MMD: variants seen among roughly 807,000 people sequenced by gnomAD.
MMD encodes monocyte to macrophage differentiation associated, also known as monocyte to macrophage differentiation factor.
A neutral mutation model predicts 33.6 loss-of-function variants in MMD; 22 were observed. That is an observed-to-expected ratio of 0.66 (90% CI 0.47 to 0.94). The LOEUF (loss-of-function observed/expected upper bound fraction) is 0.94, where lower values mean the gene tolerates loss of function less well. Among genes scored for constraint, MMD ranks in the 40% least tolerant of loss-of-function variants. The probability of loss-of-function intolerance (pLI) is 0.00; values close to 1 mark genes in which losing one functional copy is unlikely to be tolerated. For missense variants in MMD, 242 were observed against 309.8 expected (o/e 0.78, Z 1.64); for synonymous variants, 97 against 103.2 (o/e 0.94, Z 0.36).
chr17:55,411,761 A>G (rs1459705966), intron 2 of MMD, among the ~76,000 whole-genome samples: 1 of 152,038 alleles, frequency 6.6e-6, no homozygotes, highest in East Asian at 1.9e-4. Flanking sequence ...AATCTGATTT[A>G]GAGTAATTAC....
intron 1 of MMD, among the ~76,000 whole-genome samples, chr17:55,414,499 A>AACCAAAAGCAAACTTCTACC (rs1320262259): frequency 1.3e-5 from 2 of 151,218 alleles, no homozygotes; most frequent in Non-Finnish European, 2.9e-5. Context: ...AAACTTCTAC[A>AACCAAAAGCAAACTTCTACC]ACCAAAAGCA....
chr17:55,409,191 A>G (rs1476157224), intron 3 of MMD, among the ~76,000 whole-genome samples: 1 of 152,254 alleles, frequency 6.6e-6, no homozygotes, highest in Non-Finnish European at 1.5e-5. Flanking sequence ...AGAAGCAAAC[A>G]TTACGTCAAT....
chr17:55,395,423 G>C (rs1267278021), intron 6 of MMD, among the ~76,000 whole-genome samples: 1 of 152,226 alleles, frequency 6.6e-6, no homozygotes, highest in Non-Finnish European at 1.5e-5. Flanking sequence ...CAGGGCCTTG[G>C]AAGGGGATAG....
chr17:55,397,582 T>C (rs1907150955), intron 6 of MMD, among the ~76,000 whole-genome samples: 1 of 152,100 alleles, frequency 6.6e-6, no homozygotes, highest in South Asian at 2.1e-4. Flanking sequence ...TGGAGTGCAG[T>C]GGCCCGACCT....
intron 6 of MMD, among the ~76,000 whole-genome samples, chr17:55,400,956 C>A (rs1907304113): frequency 6.6e-6 from 1 of 151,146 alleles, no homozygotes; most frequent in African/African-American, 2.4e-5. Flanking sequence ...ACAGAACAAA[C>A]AAACAAAAAA....
chr17:55,395,557 G>A (rs189718562), intron 6 of MMD, among the ~76,000 whole-genome samples: 1 of 152,324 alleles, frequency 6.6e-6, no homozygotes, highest in Non-Finnish European at 1.5e-5. Context: ...CTAAAAGCAA[G>A]GCAACAATAG....
chr17:55,414,552 C>CCGTACA (rs1907890909), intron 1 of MMD, among the ~76,000 whole-genome samples: 1 of 98,732 alleles, frequency 1.0e-5, no homozygotes, highest in African/African-American at 4.5e-5. Context: ...CCCTCCTCCT[C>CCGTACA]CATTCACACA....
chr17:55,395,251 C>A (rs1157022452), intron 6 of MMD, among the ~76,000 whole-genome samples: 1 of 152,152 alleles, frequency 6.6e-6, no homozygotes, highest in African/African-American at 2.4e-5. Context: ...AAGACCAAGG[C>A]CCATCTACAA....
intron 6 of MMD, among the ~76,000 whole-genome samples, chr17:55,400,568 AAG>A: frequency 6.6e-6 from 1 of 151,482 alleles, no homozygotes; most frequent in East Asian, 1.9e-4. Context: ...AAAAAAAAAA[AAG>A]GTTCTTACAA....
At chr17:55,404,010 AT>A (rs1381979475) in intron 4 of MMD, 142 bp from the exon 5 acceptor site, 43 of 639,022 alleles carry the variant, frequency 6.7e-5, no homozygotes, top group Non-Finnish European at 9.8e-5. Flanking sequence ...CATTTGGGCA[AT>A]TTAGGTAAAA....
chr17:55,408,785 G>A (rs1292068559), intron 3 of MMD, among the ~76,000 whole-genome samples: 4 of 152,170 alleles, frequency 2.6e-5, no homozygotes, highest in Non-Finnish European at 5.9e-5. Flanking sequence ...TGGATCACTT[G>A]AGGTCAGGAA....
chr17:55,397,477 A>G (rs976607420), intron 6 of MMD, among the ~76,000 whole-genome samples: 11 of 151,986 alleles, frequency 7.2e-5, no homozygotes, highest in African/African-American at 2.4e-4. Context: ...CTTGAAGTTG[A>G]CAGGGTTTTT....
rs1907011508 is a variant in MMD, at chr17:55,394,044, C to T, written c.*290G>A. 1 of 215,626 alleles carries T rather than the reference C, an allele frequency of 4.6e-6. No homozygotes were observed. The allele number at this position is 215,626 out of a possible 1,614,324, so 13.4% of individuals were successfully genotyped here. A position where few individuals can be genotyped will look rare whatever the true frequency, so the allele number is the denominator to read the frequency against. ...ATTTAGAAAAATCATGTAGTAAAAT[C>T]TGTAAAATTAAAATATAAAAGTCTG... On this transcript the variant is annotated 3_prime_UTR_variant, in exon 7 of 7. Coordinates refer to ENST00000262065, the MANE Select transcript of MMD (RefSeq NM_012329.3).
At position 55,401,539 on chromosome 17, in the gene MMD, CTGCAGGAACAAAAA is replaced by C; in HGVS notation, c.447-15_447-2del. ...GAAAAAGAGTTCAACCACCTTATATCTGCAGGAACAAAAATGCAGTTAATTTAACTTATAAATTT... is the reference window on the plus strand; with the variant it reads ...GAAAAAGAGTTCAACCACCTTATATCTGCAGTTAATTTAACTTATAAATTT... On this transcript the variant is annotated splice_acceptor_variant and splice_polypyrimidine_tract_variant and intron_variant, in intron 5 of 6. Transcript: ENST00000262065. LOFTEE classifies it high-confidence loss of function. 6.2e-7 allele frequency: 1 copy of C among 1,606,690 alleles called. No homozygotes were observed. The highest frequency in any genetic ancestry group is 8.5e-7 in the Non-Finnish European group (1 of 1,176,906).
chr17:55,406,762 T>G (rs557616770), intron 4 of MMD, among the ~76,000 whole-genome samples: 2 of 152,246 alleles, frequency 1.3e-5, no homozygotes, highest in African/African-American at 4.8e-5. Flanking sequence ...GGCACACGCC[T>G]GTAGTCCCAG....
chr17:55,411,662 A>G (rs765529178), intron 2 of MMD, among the ~76,000 whole-genome samples: 1 of 151,526 alleles, frequency 6.6e-6, no homozygotes. Flanking sequence ...GCCATCAAGG[A>G]TGCAACATCA....
chr17:55,412,516 G>T (rs1453122428), intron 2 of MMD, among the ~76,000 whole-genome samples: 1 of 152,222 alleles, frequency 6.6e-6, no homozygotes, highest in Non-Finnish European at 1.5e-5. Context: ...TACAATGACA[G>T]AAGCTCCCAG....
In MMD at chr17:55,394,155, T is replaced by C. The variant is rs1598427513; in HGVS notation, c.*179A>G. 2.3e-6 allele frequency: 1 copy of C among 443,830 alleles called. No homozygotes were observed. Among genetic ancestry groups the C allele is most frequent in the Non-Finnish European group, 3.8e-6 (1 of 261,188 alleles). 27.5% of individuals were successfully genotyped at this position (443,830 alleles called of 1,614,324 possible). ...AATAATTAATTCACTACCTTATTTA[T>C]TTGCTGTGAGGCAGAAAATTCCAGA... On this transcript the variant is annotated 3_prime_UTR_variant, in exon 7 of 7. Transcript: ENST00000262065.
chr17:55,407,706 T>A (rs963039254), intron 4 of MMD, 40 bp downstream of exon 4: 10 of 1,563,932 alleles, frequency 6.4e-6, no homozygotes, highest in Non-Finnish European at 8.7e-6. Flanking sequence ...ATTCTAATCA[T>A]AAAATCACTA....
Sources: gnomAD v4.1 joint callset for allele counts (sites outside exome capture counted in the v4.1 genomes callset) on GRCh38, gnomAD v4.1.1 for gene constraint, MANE v1.5 for transcripts, NCBI Gene and HGNC (gene_info 2026-07-23, HGNC 2026-07-21) for gene names.